Variants in HRH1 observed in about 807,000 individuals in gnomAD.
HRH1 encodes the protein histamine receptor H1, also known as histamine H1 receptor.
Under a neutral mutation model 10.3 loss-of-function variants are expected in HRH1, and 6 were observed. The ratio of observed to expected loss-of-function variants is 0.58; its 90% confidence interval spans 0.32 to 1.15. The LOEUF (loss-of-function observed/expected upper bound fraction) is 1.15. Ranked by LOEUF, HRH1 falls within the 50% of genes most tolerant of loss-of-function variation. HRH1 has a pLI of 0.05. For synonymous variants in HRH1, 242 were observed against 236.7 expected, an observed-to-expected ratio of 1.02 and a Z score of -0.21; for missense variants, 514 against 615.3, an observed-to-expected ratio of 0.84 and a Z score of 1.74.
chr3:11,142,826 A>G (rs1394646355), intron 1 of HRH1, among the ~76,000 whole-genome samples: 1 of 152,142 alleles, frequency 6.6e-6, no homozygotes, highest in Non-Finnish European at 1.5e-5. Context: ...AGGCAGGAGA[A>G]TTGCTTGTAC....
chr3:11,197,493 TTAC>T (rs1937708520), intron 1 of HRH1, among the ~76,000 whole-genome samples: 1 of 152,206 alleles, frequency 6.6e-6, no homozygotes, highest in Non-Finnish European at 1.5e-5. Context: ...GCTCTATAAA[TTAC>T]TTTGTTTTGA....
chr3:11,235,631 A>G (rs1186782351), intron 1 of HRH1, among the ~76,000 whole-genome samples: 1 of 152,220 alleles, frequency 6.6e-6, no homozygotes, highest in African/African-American at 2.4e-5. Flanking sequence ...ACCACCTGAC[A>G]GGATGCAAGT....
intron 1 of HRH1, among the ~76,000 whole-genome samples, chr3:11,188,305 A>C (rs1324660960): frequency 1.3e-5 from 2 of 152,214 alleles, no homozygotes; most frequent in Non-Finnish European, 2.9e-5. Flanking sequence ...ACTTGTAGGA[A>C]GTTATAAAGA....
intron 1 of HRH1, among the ~76,000 whole-genome samples, chr3:11,249,677 C>T (rs1365010619): frequency 6.6e-6 from 1 of 152,146 alleles, no homozygotes; most frequent in African/African-American, 2.4e-5. Context: ...TACAACTATT[C>T]GTTGTGGCAG....
Position 11,217,072 on chromosome 3 carries a change from G to C in HRH1, c.-35-41931G>C, listed in dbSNP as rs147430947. Among the ~76,000 whole-genome samples, 620 of 151,994 alleles carry C rather than the reference G, an allele frequency of 4.1e-3. 4 individuals carry two copies. The highest frequency in any genetic ancestry group is 0.014 in the African/African-American group (595 of 41,448). ...TTGGTGAGGTACGCCTGTAGTCCCA[G>C]CTACTCAGGAGGCTGAGGCAGCAGA... is the stretch of plus-strand genomic sequence containing the variant. On this transcript the variant is annotated intron_variant, in intron 1 of 1. Coordinates refer to ENST00000431010, the MANE Select transcript of HRH1 (RefSeq NM_001098212.2).
chr3:11,174,234 CGT>C (rs1267574396), intron 1 of HRH1, among the ~76,000 whole-genome samples: 3 of 152,182 alleles, frequency 2.0e-5, no homozygotes, highest in Non-Finnish European at 4.4e-5. Context: ...AGGGAAGCAT[CGT>C]GTGTGTCATC....
Position 11,259,458 on chromosome 3 carries a change from A to C in HRH1, c.421A>C (p.Lys141Gln). The change falls in exon 2 of 2, where the codon AAG (lysine) becomes CAG (glutamine). Residue 141 changes from lysine to glutamine, a missense_variant. Coordinates refer to ENST00000431010, the MANE Select transcript of HRH1 (RefSeq NM_001098212.2). The surrounding 1 kb of genome is among the most constrained non-coding windows in gnomAD (Gnocchi z 4.6). ...QPLRYLKYRTKTRASATILGA... is the reference protein window; with the variant it reads ...QPLRYLKYRTQTRASATILGA... Reference sequence around the variant, plus strand: ...CCTCAGGTACCTTAAGTATCGTACCAAGACCCGAGCCTCGGCCACCATTCT... The same window carrying C: ...CCTCAGGTACCTTAAGTATCGTACCCAGACCCGAGCCTCGGCCACCATTCT... 6.2e-7 allele frequency: 1 copy of C among 1,613,770 alleles called. No homozygotes were observed. The highest frequency in any genetic ancestry group is 8.5e-7 in the Non-Finnish European group (1 of 1,179,952).
At position 11,147,408 on chromosome 3, in the gene HRH1, AT is replaced by A. The variant is rs939351757; in HGVS notation, c.-36+10010del. Among the ~76,000 whole-genome samples the A allele has an allele frequency of 2.6e-5, 4 of 152,330 alleles. No individual in the cohort carries two copies. In the South Asian group the frequency reaches 8.3e-4, roughly 32 times the overall value. On this transcript the variant is annotated intron_variant, in intron 1 of 1. Transcript: ENST00000438284. Reference sequence around the variant, plus strand: ...TGCTCTATGAGATAGGACTATGAACATCCCACTTTATAGATAAGCACATGAC... The same window carrying A: ...TGCTCTATGAGATAGGACTATGAACACCCACTTTATAGATAAGCACATGAC...
chr3:11,160,556 G>A (rs1936902176), intron 1 of HRH1, among the ~76,000 whole-genome samples: 1 of 88,400 alleles, frequency 1.1e-5, no homozygotes, highest in Non-Finnish European at 2.1e-5. Flanking sequence ...ACTTAACCAA[G>A]GTCCTCATCC....
chr3:11,175,124 C>G (rs1465147227), intron 1 of HRH1, among the ~76,000 whole-genome samples: 5 of 152,140 alleles, frequency 3.3e-5, no homozygotes, highest in Admixed American at 6.5e-5. Flanking sequence ...GGTCAGGTCT[C>G]AGGGTCCCAG....
At chr3:11,181,369 A>G (rs73117681) in intron 1 of HRH1, among the ~76,000 whole-genome samples, 9,589 of 152,234 alleles carry the variant, frequency 0.063, 663 homozygotes, top group African/African-American at 0.17. Flanking sequence ...TCTGAGTCAT[A>G]TTGAGGAATT....
chr3:11,144,478 T>TAGACATACGTCTATAGGTATATCTAC (rs1559249824), intron 1 of HRH1, among the ~76,000 whole-genome samples: 1 of 148,220 alleles, frequency 6.7e-6, no homozygotes, highest in African/African-American at 2.5e-5. Context: ...TATAGACATA[T>TAGACATACGTCTATAGGTATATCTAC]ATATACACAC....
chr3:11,170,946 G>A (rs995052175), intron 1 of HRH1, among the ~76,000 whole-genome samples: 4 of 152,100 alleles, frequency 2.6e-5, no homozygotes, highest in African/African-American at 7.2e-5. Flanking sequence ...TGTGGGAGAC[G>A]AACAAACTAG....
intron 1 of HRH1, among the ~76,000 whole-genome samples, chr3:11,218,483 G>C (rs1050558509): frequency 6.6e-6 from 1 of 151,992 alleles, no homozygotes; most frequent in Non-Finnish European, 1.5e-5. Context: ...AGACACAAGA[G>C]TGATTCCTTA....
intron 1 of HRH1, among the ~76,000 whole-genome samples, chr3:11,201,268 G>T (rs779987398): frequency 1.3e-5 from 2 of 152,198 alleles, no homozygotes; most frequent in East Asian, 3.9e-4. Flanking sequence ...CCTCTGATGT[G>T]CAGGAGAAGG....
chr3:11,139,466 G>C (rs1276283454), intron 1 of HRH1, among the ~76,000 whole-genome samples: 1 of 152,022 alleles, frequency 6.6e-6, no homozygotes, highest in Non-Finnish European at 1.5e-5. Flanking sequence ...ATTTGGTAGA[G>C]ACAAGGTTTC....
rs1939887746 is a variant in HRH1 at position 11,259,706 on chromosome 3, C to G, written c.669C>G (p.His223Gln). ...IYKAVRQHCQ[H>Q]RELINRSLPS... Reference sequence around the variant, plus strand: ...AGGCCGTACGACAACACTGCCAGCACCGGGAGCTCATCAATAGGTCCCTCC... The same window carrying G: ...AGGCCGTACGACAACACTGCCAGCAGCGGGAGCTCATCAATAGGTCCCTCC... Residue 223 changes from histidine (H) to glutamine (Q), a missense_variant, in exon 2 of 2, where the codon CAC becomes CAG. His to Gln is a conservative substitution (Grantham distance 24). Transcript: ENST00000431010. The surrounding 1 kb of genome is among the most constrained non-coding windows in gnomAD (Gnocchi z 4.6). 4 of 1,614,102 alleles carry G rather than the reference C, an allele frequency of 2.5e-6. No homozygotes were observed. Among genetic ancestry groups the G allele is most frequent in the East Asian group, 2.2e-5 (1 of 44,880 alleles).
intron 1 of HRH1, among the ~76,000 whole-genome samples, chr3:11,206,075 T>C (rs1938113855): frequency 6.6e-6 from 1 of 152,156 alleles, no homozygotes; most frequent in African/African-American, 2.4e-5. Flanking sequence ...GCAGCTGGGC[T>C]CTTGCATGGA....
Position 11,144,341 on chromosome 3 carries a change from G to GTA in HRH1, c.-36+6946_-36+6947dup, listed in dbSNP as rs1294048105. On this transcript the variant is annotated intron_variant, in intron 1 of 1. Coordinates refer to the HRH1 transcript ENST00000438284. ...GAAAATTGGTCTAAAAATGTGATAT[G>GTA]TATATGTGTGTGTGTGTGTGTGTGT... Among the ~76,000 whole-genome samples, 4 of 48,422 alleles carry GTA rather than the reference G, an allele frequency of 8.3e-5. No homozygotes were observed. In the East Asian group the frequency reaches 2.8e-3, roughly 34 times the overall value. 31.8% of individuals were successfully genotyped at this position (48,422 alleles called of 152,430 possible). A position where few individuals can be genotyped will look rare whatever the true frequency, so the allele number is the denominator to read the frequency against.
Sources: gnomAD v4.1 joint callset for allele counts (sites outside exome capture counted in the v4.1 genomes callset) on GRCh38, gnomAD v4.1.1 for gene constraint, Gnocchi (gnomAD v3.1) non-coding constraint, MANE v1.5 for transcripts, NCBI Gene and HGNC (gene_info 2026-07-23, HGNC 2026-07-21) for gene names.